Variants in RSPH4A observed in about 807,000 individuals in gnomAD.
The protein encoded by RSPH4A is radial spoke head protein 4 homolog A.
Under a neutral mutation model 71.0 loss-of-function variants are expected in RSPH4A, and 47 were observed. The observed-to-expected ratio is 0.66, with a 90% confidence interval of 0.52 to 0.84. RSPH4A has a LOEUF of 0.84. Among genes scored for constraint, RSPH4A ranks in the 40% least tolerant of loss-of-function variants. RSPH4A has a pLI of 0.00. For missense variants in RSPH4A, 793 were observed against 855.2 expected (o/e 0.93, Z 0.91); for synonymous variants, 282 against 302.3 (o/e 0.93, Z 0.70).
In RSPH4A at chr6:116,628,252, G is replaced by A. The variant is rs1775734186; in HGVS notation, c.1545G>A (p.Glu515=). Residue 515 remains glutamate, a synonymous_variant, in exon 3 of 6, where the codon GAG becomes GAA. Transcript: ENST00000229554. The part of the protein sequence containing the change: ...FGEEEGEEEE[E]AEGGRNSFEE... ...AAGAGGAAGGAGAGGAGGAGGAAGA[G>A]GCAGAAGGTGGGCGAAATAGCTTTG... The A allele has an allele frequency of 1.2e-6, 2 of 1,611,782 alleles. No homozygotes were observed. The highest frequency in any genetic ancestry group is 8.5e-7 in the Non-Finnish European group (1 of 1,178,434).
chr6:116,616,539 G>A lies in RSPH4A; in HGVS notation c.-85G>A, dbSNP rs1775504365. On this transcript the variant is annotated 5_prime_UTR_variant, in exon 1 of 6. Transcript: ENST00000229554. ...GGACCCAGAAATCGCTTAAGAGACC[G>A]CGGCAAAGTAACTTAACTGAGTTGC... The A allele has an allele frequency of 2.5e-6, 3 of 1,215,050 alleles. No individual in the cohort carries two copies. Among genetic ancestry groups the A allele is most frequent in the Non-Finnish European group, 3.6e-6 (3 of 842,778 alleles). The allele number at this position is 1,215,050 out of a possible 1,614,324, so 75.3% of individuals were successfully genotyped here. A position where few individuals can be genotyped will look rare whatever the true frequency, so the allele number is the denominator to read the frequency against.
rs1405530648 is a variant in RSPH4A at position 116,616,594 on chromosome 6, C to T, written c.-30C>T. 1 of 1,577,996 alleles carries T rather than the reference C, an allele frequency of 6.3e-7. No homozygotes were observed. Among genetic ancestry groups the T allele is most frequent in the Non-Finnish European group, 8.6e-7 (1 of 1,156,304 alleles). On this transcript the variant is annotated 5_prime_UTR_variant, in exon 1 of 6. Coordinates refer to ENST00000229554, the MANE Select transcript of RSPH4A (RefSeq NM_001010892.3). Reference sequence around the variant, plus strand: ...TTCCATATTTTCACGCCCCTTTCATCCAGAACATTTTTTTTCTTGAACTGC... The same window carrying T: ...TTCCATATTTTCACGCCCCTTTCATTCAGAACATTTTTTTTCTTGAACTGC...
intron 1 of RSPH4A, among the ~76,000 whole-genome samples, chr6:116,621,269 T>G (rs895040159): frequency 7.9e-5 from 12 of 152,198 alleles, no homozygotes; most frequent in Non-Finnish European, 1.0e-4. Flanking sequence ...GGAAGGAATT[T>G]TATATTCTTC....
At position 116,632,260 on chromosome 6, in the gene RSPH4A, A is replaced by G. The variant is rs1230428971; in HGVS notation, c.1970A>G (p.Tyr657Cys). 1.7e-5 allele frequency: 28 copies of G among 1,612,342 alleles called. No homozygotes were observed. In the Admixed American group the frequency reaches 1.8e-4, roughly 11 times the overall value. Residue 657 changes from tyrosine to cysteine, a missense_variant, in exon 6 of 6, where the codon TAT (tyrosine) becomes TGT (cysteine). Transcript: ENST00000229554. ...GGTCATAAGTATAGTCCAGACAATTATACACCCCCAGTTCCACCACCAGTT... is the reference window on the plus strand; with the variant it reads ...GGTCATAAGTATAGTCCAGACAATTGTACACCCCCAGTTCCACCACCAGTT... ...GWGHKYSPDN[Y>C]TPPVPPPVYQ...
At chr6:116,629,944 T>C (rs1775766403) in intron 4 of RSPH4A, among the ~76,000 whole-genome samples, 1 of 152,212 alleles carries the variant, frequency 6.6e-6, no homozygotes, top group Admixed American at 6.5e-5. Context: ...TGTAGCGCTT[T>C]CTGGAAATGC....
chr6:116,629,734 C>T (rs781282779), intron 4 of RSPH4A, 32 bp downstream of exon 4: 1 of 1,572,466 alleles, frequency 6.4e-7, no homozygotes, highest in East Asian at 2.2e-5. Context: ...CACACACAGA[C>T]ACACAAACAA....
chr6:116,624,653 T>A (rs899353665), intron 2 of RSPH4A, among the ~76,000 whole-genome samples: 1 of 152,220 alleles, frequency 6.6e-6, no homozygotes, highest in African/African-American at 2.4e-5. Flanking sequence ...GAGACAGGTC[T>A]CTCTGATGCA....
At chr6:116,618,563 G>T (rs1468007393) in intron 1 of RSPH4A, among the ~76,000 whole-genome samples, 1 of 152,212 alleles carries the variant, frequency 6.6e-6, no homozygotes, top group Non-Finnish European at 1.5e-5. Context: ...GCCCAGGCTG[G>T]AGTGTAGTGG....
rs1775716914 is a variant in RSPH4A, at chr6:116,627,580, A to G, written c.922-49A>G. On this transcript the variant is annotated intron_variant, in intron 2 of 5. Transcript: ENST00000229554. Reference sequence around the variant, plus strand: ...GATACATGAAAAAGACAAGGGAAGCAAGCATTTGTCTTATTGATAAATTTT... The same window carrying G: ...GATACATGAAAAAGACAAGGGAAGCGAGCATTTGTCTTATTGATAAATTTT... The G allele has an allele frequency of 6.0e-6, 8 of 1,329,280 alleles. No individual in the cohort carries two copies. In the East Asian group the frequency reaches 1.6e-4, roughly 27 times the overall value. The allele number at this position is 1,329,280 out of a possible 1,614,324, so 82.3% of individuals were successfully genotyped here.
chr6:116,616,728 T>A lies in RSPH4A; in HGVS notation c.105T>A (p.Ser35=). The A allele has an allele frequency of 6.2e-7, 1 of 1,613,704 alleles. No individual in the cohort carries two copies. Among genetic ancestry groups the A allele is most frequent in the Middle Eastern group, 1.6e-4 (1 of 6,062 alleles). ...EGKTAASPQY[S]EPESSEPLEA... is the part of the protein sequence containing the mutation. ...AGACAGCAGCTTCTCCCCAATATTC[T>A]GAGCCTGAGTCGTCTGAGCCCTTGG... is the stretch of plus-strand genomic sequence containing the variant. The change falls in exon 1 of 6, where the codon TCT becomes TCA. Residue 35 remains serine, a synonymous_variant. Transcript: ENST00000229554.
At chr6:116,620,886 T>C (rs1161826053) in intron 1 of RSPH4A, among the ~76,000 whole-genome samples, 1 of 152,122 alleles carries the variant, frequency 6.6e-6, no homozygotes, top group African/African-American at 2.4e-5. Context: ...TGAGACAGAG[T>C]CTCACGTTGT....
At chr6:116,624,804 C>T (rs1442682810) in intron 2 of RSPH4A, among the ~76,000 whole-genome samples, 1 of 152,184 alleles carries the variant, frequency 6.6e-6, no homozygotes, top group Non-Finnish European at 1.5e-5. Flanking sequence ...TTTATTCATA[C>T]ACTATGTGAC....
At chr6:116,618,164 T>C (rs1583346578) in intron 1 of RSPH4A, among the ~76,000 whole-genome samples, 1 of 152,344 alleles carries the variant, frequency 6.6e-6, no homozygotes, top group South Asian at 2.1e-4. Flanking sequence ...CACTAAGCTC[T>C]AGCCCCATGG....
chr6:116,632,277 C>T lies in RSPH4A; in HGVS notation c.1987C>T (p.Pro663Ser). ...AGACAATTATACACCCCCAGTTCCA[C>T]CACCAGTTTATCAAGAATACCCCAG... Reference protein sequence around the residue: ...SPDNYTPPVPPPVYQEYPSGP... With the variant: ...SPDNYTPPVPSPVYQEYPSGP... Residue 663 changes from proline (P) to serine (S), a missense_variant, in exon 6 of 6, where the codon CCA (proline) becomes TCA (serine). Transcript: ENST00000229554. The T allele has an allele frequency of 6.2e-7, 1 of 1,612,942 alleles. No homozygotes were observed. The highest frequency in any genetic ancestry group is 1.1e-5 in the South Asian group (1 of 91,024).
Position 116,628,384 on chromosome 6 carries a change from C to T in RSPH4A, c.1662+15C>T, listed in dbSNP as rs183372450. On this transcript the variant is annotated intron_variant, in intron 3 of 5. Coordinates refer to ENST00000229554, the MANE Select transcript of RSPH4A (RefSeq NM_001010892.3). ...TTCTCTCTCAGGTAGGAGCTTTGCA[C>T]TTCTCAATCTATCAGGTAATTAGGC... is the stretch of plus-strand genomic sequence containing the variant. 1.6e-3 allele frequency: 2,601 copies of T among 1,584,112 alleles called. 8 individuals are homozygous for T. The highest frequency in any genetic ancestry group is 1.8e-3 in the Non-Finnish European group (2,107 of 1,153,544).
chr6:116,630,574 A>C, intron 5 of RSPH4A, 22 bp downstream of exon 5: 1 of 1,109,140 alleles, frequency 9.0e-7, no homozygotes, highest in Non-Finnish European at 1.4e-6. Context: ...ACCACTTACA[A>C]AGCCATTTCT....
intron 3 of RSPH4A, 143 bp downstream of exon 3, chr6:116,628,512 A>C: frequency 1.5e-6 from 1 of 675,126 alleles, no homozygotes; most frequent in Non-Finnish European, 2.5e-6. Context: ...AAACACAGCC[A>C]AAAATGCAGA....
chr6:116,617,236 A>G lies in RSPH4A; in HGVS notation c.613A>G (p.Ser205Gly). 6.2e-7 allele frequency: 1 copy of G among 1,614,132 alleles called. No homozygotes were observed. The highest frequency in any genetic ancestry group is 8.5e-7 in the Non-Finnish European group (1 of 1,179,990). The change falls in exon 1 of 6, where the codon AGC becomes GGC. Residue 205 changes from serine to glycine, a missense_variant. Transcript: ENST00000229554. ...GCCTGGGGGCTCTGAAGTGGCCCCCAGCATGCTTGAGATCACCATTCAGAA... is the reference window on the plus strand; with the variant it reads ...GCCTGGGGGCTCTGAAGTGGCCCCCGGCATGCTTGAGATCACCATTCAGAA... ...PAPGGSEVAP[S>G]MLEITIQNAK...
intron 2 of RSPH4A, among the ~76,000 whole-genome samples, chr6:116,625,123 G>T (rs1330327405): frequency 2.0e-5 from 3 of 152,096 alleles, no homozygotes; most frequent in African/African-American, 4.8e-5. Flanking sequence ...TATATATAAA[G>T]GATTTGGCTT....
Sources: gnomAD v4.1 joint callset for allele counts (sites outside exome capture counted in the v4.1 genomes callset) on GRCh38, gnomAD v4.1.1 for gene constraint, MANE v1.5 for transcripts, NCBI Gene and HGNC (gene_info 2026-07-23, HGNC 2026-07-21) for gene names.